ATP8B1: variants seen among roughly 807,000 people sequenced by gnomAD.
ATP8B1 encodes the protein phospholipid-transporting ATPase IC.
A neutral mutation model predicts 149.9 loss-of-function variants in ATP8B1; 80 were observed. The observed-to-expected ratio is 0.53, with a 90% CI of 0.45 to 0.64. The LOEUF (loss-of-function observed/expected upper bound fraction) is 0.64. Among genes scored for constraint, ATP8B1 ranks in the 30% least tolerant of loss-of-function variants. The pLI, the probability that ATP8B1 is intolerant of heterozygous loss-of-function variation, is 0.00. For synonymous variants in ATP8B1, 536 were observed against 562.8 expected (o/e 0.95, Z 0.67); for missense variants, 1,247 against 1,552.6 (o/e 0.80, Z 3.31).
At chr18:57,685,195 G>A in intron 13 of ATP8B1, 80 bp from the exon 14 acceptor site, 1 of 1,495,238 alleles carries the variant, frequency 6.7e-7, no homozygotes, top group Non-Finnish European at 9.3e-7. Context: ...TGCTTATATA[G>A]TGATGGTGGT....
intron 15 of ATP8B1, 147 bp from the exon 16 acceptor site, chr18:57,675,169 G>A: frequency 1.3e-6 from 1 of 752,328 alleles, no homozygotes; most frequent in Non-Finnish European, 2.2e-6. Flanking sequence ...GACTTGGAAG[G>A]GTTATGCCAA....
intron 3 of ATP8B1, among the ~76,000 whole-genome samples, chr18:57,706,133 G>A (rs1166867765): frequency 2.6e-5 from 4 of 152,126 alleles, no homozygotes; most frequent in Admixed American, 2.6e-4. Context: ...TCCATTCCAG[G>A]CAGAGAAGGG....
At position 57,713,196 on chromosome 18, in the gene ATP8B1, T is replaced by TTTCTTTCC. The variant is rs1913791192; in HGVS notation, c.182-6610_182-6609insGGAAAGAA. Among the ~76,000 whole-genome samples the TTTCTTTCC allele has an allele frequency of 1.9e-3, 168 of 89,940 alleles. 1 individual carries two copies. The highest frequency in any genetic ancestry group is 2.3e-3 in the Non-Finnish European group (93 of 41,044). 59.0% of individuals were successfully genotyped at this position (89,940 alleles called of 152,430 possible). ...CTTTCTTTCTTTCTTTCTTTCTTTC[T>TTTCTTTCC]TTCCTTCCTTCCTTCCTTCCTTCCT... On this transcript the variant is annotated intron_variant, in intron 2 of 27. Transcript: ENST00000648908.
At chr18:57,658,083 G>T (rs940243848) in intron 22 of ATP8B1, among the ~76,000 whole-genome samples, 1 of 149,546 alleles carries the variant, frequency 6.7e-6, no homozygotes, top group Non-Finnish European at 1.5e-5. Flanking sequence ...GTCTTTTTCT[G>T]TCGCCCAGGC....
intron 1 of ATP8B1, among the ~76,000 whole-genome samples, chr18:57,788,336 A>C (rs939674399): frequency 6.6e-6 from 1 of 152,040 alleles, no homozygotes; most frequent in Non-Finnish European, 1.5e-5. Context: ...GGAGGATCAC[A>C]TGAGGCCAGG....
In ATP8B1 at chr18:57,648,629, C is replaced by G. The variant is rs1450205870; in HGVS notation, c.3615G>C (p.Arg1205=). ...QQVFRRGVST[R]RSAYAFSHQR... is the part of the protein sequence containing the mutation. ...GGTGCGAGAAGGCGTAGGCCGAGCG[C>G]CGCGTTGACACGCCCCGGCGGAACA... Residue 1205 remains arginine (R), a synonymous_variant, in exon 28 of 28, where the codon CGG becomes CGC. Coordinates refer to ENST00000648908, the MANE Select transcript of ATP8B1 (RefSeq NM_001374385.1). 1 of 1,605,426 alleles carries G rather than the reference C, an allele frequency of 6.2e-7. No individual in the cohort carries two copies. The highest frequency in any genetic ancestry group is 1.3e-5 in the African/African-American group (1 of 74,742).
chr18:57,728,882 G>C (rs931209915), intron 2 of ATP8B1, among the ~76,000 whole-genome samples: 1 of 151,894 alleles, frequency 6.6e-6, no homozygotes, highest in East Asian at 1.9e-4. Context: ...ACCATGCCGG[G>C]CTAATTTTTG....
In ATP8B1 at chr18:57,668,038, G is replaced by T. The variant is rs753562386; in HGVS notation, c.2209+391C>A. The T allele has an allele frequency of 1.3e-5, 16 of 1,240,772 alleles. No homozygotes were observed. The South Asian group carries it at 1.4e-4, about 11-fold the overall frequency. 76.9% of individuals were successfully genotyped at this position (1,240,772 alleles called of 1,614,324 possible). On this transcript the variant is annotated intron_variant, in intron 19 of 27. Transcript: ENST00000648908. ...ATTTTATTGCCAAGCAATAAAATTGGCAAGAAAACCAAAGTTATTGTTCAG... is the reference window on the plus strand; with the variant it reads ...ATTTTATTGCCAAGCAATAAAATTGTCAAGAAAACCAAAGTTATTGTTCAG...
At chr18:57,757,646 C>G (rs943620135) in intron 1 of ATP8B1, among the ~76,000 whole-genome samples, 3 of 152,190 alleles carry the variant, frequency 2.0e-5, no homozygotes, top group Non-Finnish European at 4.4e-5. Context: ...CCCCCATCTC[C>G]CATTTCCTTT....
At chr18:57,775,888 C>T (rs1204137300) in intron 1 of ATP8B1, among the ~76,000 whole-genome samples, 1 of 152,160 alleles carries the variant, frequency 6.6e-6, no homozygotes, top group Non-Finnish European at 1.5e-5. Context: ...AGGTGATCCG[C>T]CTGCCTTGGC....
intron 12 of ATP8B1, chr18:57,688,719 G>T: frequency 1.7e-6 from 1 of 580,956 alleles, no homozygotes; most frequent in South Asian, 2.0e-5. Flanking sequence ...GGTCATGAGG[G>T]CTCCACCCTT....
chr18:57,649,190 A>ATATCTATCTATCTGTCTATCTATC (rs1909430018), intron 27 of ATP8B1, among the ~76,000 whole-genome samples: 1 of 148,096 alleles, frequency 6.8e-6, no homozygotes, highest in African/African-American at 2.5e-5. Context: ...GTGCTTGGCT[A>ATATCTATCTATCTGTCTATCTATC]TATCTATCTA....
chr18:57,713,204 C>A (rs71355645), intron 2 of ATP8B1, among the ~76,000 whole-genome samples: 1 of 77,204 alleles, frequency 1.3e-5, no homozygotes, highest in Non-Finnish European at 2.5e-5. Context: ...TCTTTCCTTC[C>A]TTCCTTCCTT....
At chr18:57,732,763 G>A (rs897988733) in intron 1 of ATP8B1, among the ~76,000 whole-genome samples, 9 of 151,740 alleles carry the variant, frequency 5.9e-5, no homozygotes, top group African/African-American at 2.2e-4. Context: ...GGGTTTCACT[G>A]TGTTAGCCAG....
chr18:57,763,306 C>T (rs187199992), intron 1 of ATP8B1, among the ~76,000 whole-genome samples: 6 of 152,064 alleles, frequency 3.9e-5, no homozygotes, highest in Non-Finnish European at 7.4e-5. Context: ...GCAGGAGATT[C>T]GCTTGAACCT....
chr18:57,786,629 G>A (rs1454758770), intron 1 of ATP8B1, among the ~76,000 whole-genome samples: 1 of 152,162 alleles, frequency 6.6e-6, no homozygotes, highest in Non-Finnish European at 1.5e-5. Flanking sequence ...AATGTACAGG[G>A]AACCACTAGA....
At chr18:57,747,434 CAA>C (rs1378278634) in intron 1 of ATP8B1, among the ~76,000 whole-genome samples, 1 of 133,194 alleles carries the variant, frequency 7.5e-6, no homozygotes, top group Non-Finnish European at 1.6e-5. Context: ...GTCTGGGTGA[CAA>C]GAGCAAAACT....
chr18:57,709,188 A>G (rs1913568953), intron 2 of ATP8B1, among the ~76,000 whole-genome samples: 1 of 152,198 alleles, frequency 6.6e-6, no homozygotes, highest in Admixed American at 6.5e-5. Flanking sequence ...TTATTCATCT[A>G]TGAGTTTAGG....
At chr18:57,754,166 A>G (rs2080054100) in intron 1 of ATP8B1, among the ~76,000 whole-genome samples, 1 of 152,018 alleles carries the variant, frequency 6.6e-6, no homozygotes, top group Admixed American at 6.6e-5. Flanking sequence ...AGCCTGGCAC[A>G]GGGGCTCATG....
Sources: allele counts gnomAD v4.1 joint callset (sites outside exome capture counted in the v4.1 genomes callset), GRCh38; gene constraint gnomAD v4.1.1; transcripts MANE v1.5; gene names NCBI Gene and HGNC (gene_info 2026-07-23, HGNC 2026-07-21).